ZBTB26: variants seen among roughly 807,000 people sequenced by gnomAD.
ZBTB26 encodes the protein zinc finger and BTB domain containing 26.
Under a neutral mutation model 31.6 loss-of-function variants are expected in ZBTB26, and 12 were observed. That is an observed-to-expected ratio of 0.38 (90% CI 0.24 to 0.61). The LOEUF (loss-of-function observed/expected upper bound fraction) is 0.61. Among genes scored for constraint, ZBTB26 ranks in the 20% least tolerant of loss-of-function variants. ZBTB26 has a pLI of 0.60. For synonymous variants in ZBTB26, 155 were observed against 182.9 expected, an observed-to-expected ratio of 0.85 and a Z score of 1.23; for missense variants, 311 against 521.9, an observed-to-expected ratio of 0.60 and a Z score of 3.94.
At position 122,917,831 on chromosome 9, in the gene ZBTB26, A is replaced by G. The variant is rs536683944; in HGVS notation, c.*778T>C. ...TCTCAAAAGCATCAACAAGTTACACATTAATTATAAGCATATGGCCTCTTA... is the reference window on the plus strand; with the variant it reads ...TCTCAAAAGCATCAACAAGTTACACGTTAATTATAAGCATATGGCCTCTTA... On this transcript the variant is annotated 3_prime_UTR_variant, in exon 2 of 2. Coordinates refer to ENST00000373656, the MANE Select transcript of ZBTB26 (RefSeq NM_020924.4). 3 of 152,344 alleles carry G rather than the reference A, an allele frequency of 2.0e-5. No homozygotes were observed. Among genetic ancestry groups the G allele is most frequent in the Non-Finnish European group, 2.9e-5 (2 of 68,028 alleles). The allele number at this position is 152,344 out of a possible 1,614,324, so 9.4% of individuals were successfully genotyped here. A position where few individuals can be genotyped will look rare whatever the true frequency, so the allele number is the denominator to read the frequency against.
At chr9:122,922,605 G>C (rs2596696) in intron 1 of ZBTB26, among the ~76,000 whole-genome samples, 2 of 152,332 alleles carry the variant, frequency 1.3e-5, no homozygotes, top group South Asian at 4.1e-4. Context: ...CATCGCCTAA[G>C]ACTGCACTAA....
chr9:122,926,189 C>A (rs536744344), intron 1 of ZBTB26, among the ~76,000 whole-genome samples: 1 of 151,760 alleles, frequency 6.6e-6, no homozygotes, highest in Admixed American at 6.6e-5. Flanking sequence ...GCCACTGCAC[C>A]TGGCTGGTAC....
intron 1 of ZBTB26, among the ~76,000 whole-genome samples, chr9:122,927,029 G>A (rs950641381): frequency 1.8e-4 from 28 of 152,188 alleles, no homozygotes; most frequent in African/African-American, 6.5e-4. Context: ...AGGTAGATCA[G>A]AGACACAGTC....
chr9:122,925,191 G>A (rs1393295523), intron 1 of ZBTB26, among the ~76,000 whole-genome samples: 5 of 152,016 alleles, frequency 3.3e-5, no homozygotes, highest in South Asian at 2.1e-4. Context: ...TGGCCAACAC[G>A]GTGAAACCCC....
At chr9:122,923,647 C>A (rs1159091486) in intron 1 of ZBTB26, among the ~76,000 whole-genome samples, 1 of 152,134 alleles carries the variant, frequency 6.6e-6, no homozygotes, top group Non-Finnish European at 1.5e-5. Context: ...TTTGAAGGTG[C>A]CTATGAAACC....
Position 122,916,507 on chromosome 9 carries a change from A to G in ZBTB26, c.*2102T>C, listed in dbSNP as rs1833018882. ...AGTCTTCAAACCAGTAACAAAAACAAGACATGAATGTGAGCAAACGAAGCA... is the reference window on the plus strand; with the variant it reads ...AGTCTTCAAACCAGTAACAAAAACAGGACATGAATGTGAGCAAACGAAGCA... On this transcript the variant is annotated 3_prime_UTR_variant, in exon 2 of 2. Coordinates refer to ENST00000373656, the MANE Select transcript of ZBTB26 (RefSeq NM_020924.4). The G allele has an allele frequency of 6.6e-6, 1 of 152,228 alleles. No homozygotes were observed. Among genetic ancestry groups the G allele is most frequent in the Non-Finnish European group, 1.5e-5 (1 of 68,038 alleles). 9.4% of individuals were successfully genotyped at this position (152,228 alleles called of 1,614,324 possible).
Position 122,916,727 on chromosome 9 carries a change from T to G in ZBTB26, c.*1882A>C, listed in dbSNP as rs1188841075. On this transcript the variant is annotated 3_prime_UTR_variant, in exon 2 of 2. Transcript: ENST00000373656. ...GTTAGGCATAAGGTACCTATTAGTC[T>G]TACCACTCAACTGTATTATCATTTT... 1.3e-5 allele frequency: 2 copies of G among 152,208 alleles called. No individual in the cohort carries two copies. Among genetic ancestry groups the G allele is most frequent in the Non-Finnish European group, 2.9e-5 (2 of 68,032 alleles). The allele number at this position is 152,208 out of a possible 1,614,324, so 9.4% of individuals were successfully genotyped here.
At chr9:122,927,989 C>T (rs1397334670) in intron 1 of ZBTB26, among the ~76,000 whole-genome samples, 1 of 152,008 alleles carries the variant, frequency 6.6e-6, no homozygotes, top group Non-Finnish European at 1.5e-5. Flanking sequence ...CATGCACCAC[C>T]AAGCCCGGAT....
chr9:122,921,280 A>C (rs1435496547), intron 1 of ZBTB26, among the ~76,000 whole-genome samples: 3 of 152,260 alleles, frequency 2.0e-5, no homozygotes. Context: ...CCAGTCCACT[A>C]GTCACTGTAA....
intron 1 of ZBTB26, among the ~76,000 whole-genome samples, chr9:122,923,818 C>T (rs1833137539): frequency 6.6e-6 from 1 of 152,176 alleles, no homozygotes; most frequent in Non-Finnish European, 1.5e-5. Context: ...AGTCATGTGT[C>T]ATATGACAGT....
At chr9:122,928,375 AC>A (rs1267501043) in intron 1 of ZBTB26, among the ~76,000 whole-genome samples, 1 of 150,710 alleles carries the variant, frequency 6.6e-6, no homozygotes, top group Non-Finnish European at 1.5e-5. Context: ...ATCTCGGCTC[AC>A]CGCAACCTCA....
intron 1 of ZBTB26, among the ~76,000 whole-genome samples, chr9:122,923,185 A>C (rs1833128649): frequency 6.6e-6 from 1 of 150,480 alleles, no homozygotes; most frequent in African/African-American, 2.4e-5. Flanking sequence ...CTCCATCTCA[A>C]AAAAAAAAAA....
At position 122,918,738 on chromosome 9, in the gene ZBTB26, A is replaced by G. The variant is rs1564334155; in HGVS notation, c.1197T>C (p.Ser399=). The G allele has an allele frequency of 1.2e-6, 2 of 1,614,196 alleles. No individual in the cohort carries two copies. The highest frequency in any genetic ancestry group is 1.7e-6 in the Non-Finnish European group (2 of 1,180,024). Residue 399 remains serine (S), a synonymous_variant, in exon 2 of 2, where the codon TCT becomes TCC. Transcript: ENST00000373656. ...NVQDLTVDFD[S]FACTTVTDSK... is the part of the protein sequence containing the mutation. ...AGTCTGTGACTGTTGTACATGCAAAAGAATCAAAATCCACTGTGAGGTCTT... is the reference window on the plus strand; with the variant it reads ...AGTCTGTGACTGTTGTACATGCAAAGGAATCAAAATCCACTGTGAGGTCTT...
chr9:122,918,689 C>T lies in ZBTB26; in HGVS notation c.1246G>A (p.Asp416Asn), dbSNP rs375370308. Residue 416 changes from aspartate to asparagine, a missense_variant, in exon 2 of 2, where the codon GAT (aspartate) becomes AAT (asparagine). Asp to Asn is a conservative substitution (Grantham distance 23). Transcript: ENST00000373656. The part of the protein sequence containing the change: ...TDSKGCQPQP[D>N]ATQVLDAGKL... ...CCTGCATCCAGGACCTGTGTTGCAT[C>T]GGGTTGTGGCTGACACCCTTTAGAG... The T allele has an allele frequency of 5.6e-6, 9 of 1,614,052 alleles. No homozygotes were observed. Among genetic ancestry groups the T allele is most frequent in the Admixed American group, 3.3e-5 (2 of 60,008 alleles).
chr9:122,916,808 A>C lies in ZBTB26; in HGVS notation c.*1801T>G, dbSNP rs1287657680. On this transcript the variant is annotated 3_prime_UTR_variant, in exon 2 of 2. Transcript: ENST00000373656. ...TTCACATCTGACTCACATGATGATAATTTACATATGATAACAATGATACAT... is the reference window on the plus strand; with the variant it reads ...TTCACATCTGACTCACATGATGATACTTTACATATGATAACAATGATACAT... 6.6e-6 allele frequency: 1 copy of C among 152,224 alleles called. No homozygotes were observed. The highest frequency in any genetic ancestry group is 1.5e-5 in the Non-Finnish European group (1 of 68,032). 9.4% of individuals were successfully genotyped at this position (152,224 alleles called of 1,614,324 possible).
intron 1 of ZBTB26, 120 bp from the exon 2 acceptor site, chr9:122,920,064 A>G (rs1833072975): frequency 2.5e-6 from 3 of 1,199,248 alleles, no homozygotes; most frequent in Admixed American, 6.3e-5. Flanking sequence ...ATCCAAATGA[A>G]ATCTTCCTTG....
intron 1 of ZBTB26, among the ~76,000 whole-genome samples, chr9:122,921,484 C>T (rs979284003): frequency 1.3e-5 from 2 of 152,194 alleles, no homozygotes; most frequent in African/African-American, 4.8e-5. Flanking sequence ...ACATCTGGAC[C>T]CCAAAGTCCA....
chr9:122,931,220 CA>C (rs1331172825), intron 1 of ZBTB26: 4 of 152,652 alleles, frequency 2.6e-5, no homozygotes, highest in African/African-American at 7.2e-5. Context: ...GAGGCGGTCC[CA>C]GGGGCATCCT....
At chr9:122,925,344 T>C (rs1223052478) in intron 1 of ZBTB26, among the ~76,000 whole-genome samples, 1 of 152,142 alleles carries the variant, frequency 6.6e-6, no homozygotes, top group African/African-American at 2.4e-5. Context: ...TGCACTCGTC[T>C]GGGTGAAAGA....
Sources: allele counts gnomAD v4.1 joint callset (sites outside exome capture counted in the v4.1 genomes callset), GRCh38; gene constraint gnomAD v4.1.1; transcripts MANE v1.5; gene names NCBI Gene and HGNC (gene_info 2026-07-23, HGNC 2026-07-21).